MYO18B: variants seen among roughly 807,000 people sequenced by gnomAD.
MYO18B encodes myosin XVIIIB.
In MYO18B, 204 loss-of-function variants were observed where a neutral mutation model predicts 273.0. That is an observed-to-expected ratio of 0.75 (90% confidence interval 0.67 to 0.84). The LOEUF is 0.84. Among genes scored for constraint, MYO18B ranks in the 40% least tolerant of loss-of-function variants. The probability of loss-of-function intolerance (pLI) is 0.00; values close to 1 mark genes in which losing one functional copy is unlikely to be tolerated. For synonymous variants in MYO18B, 1,330 were observed against 1,305.7 expected, an observed-to-expected ratio of 1.02 and a Z score of -0.40; for missense variants, 3,212 against 3,287.6, an observed-to-expected ratio of 0.98 and a Z score of 0.56.
chr22:25,828,810 A>G lies in MYO18B; in HGVS notation c.2821A>G (p.Ile941Val), dbSNP rs969918617. 1.2e-6 allele frequency: 2 copies of G among 1,613,788 alleles called. No homozygotes were observed. The highest frequency in any genetic ancestry group is 1.7e-6 in the Non-Finnish European group (2 of 1,179,862). Residue 941 changes from isoleucine (I) to valine (V), a missense_variant, in exon 15 of 44, where the codon ATC becomes GTC. By Grantham distance (29) the Ile-to-Val change is conservative. Transcript: ENST00000335473. ...CTCCCACCATCTCTCCATGGCCTCC[A>G]TCATGGTGGTGGACTCTCCAGGCTT... is the stretch of plus-strand genomic sequence containing the variant. ...FSSHHLSMAS[I>V]MVVDSPGFQN...
At chr22:25,763,059 AC>A (rs753093485) in intron 2 of MYO18B, 171 bp from the exon 3 acceptor site, 6 of 788,140 alleles carry the variant, frequency 7.6e-6, no homozygotes, top group Admixed American at 1.7e-5. Context: ...TGTCTCAGGG[AC>A]CCCCCTGAGT....
intron 10 of MYO18B, among the ~76,000 whole-genome samples, chr22:25,782,820 G>C (rs147453284): frequency 1.3e-5 from 2 of 152,202 alleles, no homozygotes; most frequent in Non-Finnish European, 1.5e-5. Flanking sequence ...AGTTTTTAGA[G>C]TGATTGTAAC....
At chr22:25,876,065 G>C in intron 23 of MYO18B, 124 bp from the exon 24 acceptor site, 1 of 735,482 alleles carries the variant, frequency 1.4e-6, no homozygotes, top group Non-Finnish European at 2.2e-6. Context: ...AAGGTATCCA[G>C]TCCCTTCCAC....
At chr22:25,772,702 G>C (rs1017671990) in intron 7 of MYO18B, among the ~76,000 whole-genome samples, 192 bp downstream of exon 7, 6 of 152,230 alleles carry the variant, frequency 3.9e-5, no homozygotes, top group Non-Finnish European at 5.9e-5. Context: ...TGGAGGGAAA[G>C]ATCAGTCACC....
Position 25,914,388 on chromosome 22 carries a change from T to G in MYO18B, c.5364+3338T>G, listed in dbSNP as rs1171258291. Reference sequence around the variant, plus strand: ...TATTGCATATGCCCTCTCCATTTATTTGTGGCTTTCAGTAATGTTTTATTA... The same window carrying G: ...TATTGCATATGCCCTCTCCATTTATGTGTGGCTTTCAGTAATGTTTTATTA... On this transcript the variant is annotated intron_variant, in intron 33 of 43. Transcript: ENST00000335473. Among the ~76,000 whole-genome samples, 5 of 152,304 alleles carry G rather than the reference T, an allele frequency of 3.3e-5. No individual in the cohort carries two copies. The East Asian group carries it at 9.6e-4, about 29-fold the overall frequency.
chr22:25,859,974 G>A (rs527355820), intron 21 of MYO18B, among the ~76,000 whole-genome samples: 7 of 152,104 alleles, frequency 4.6e-5, no homozygotes, highest in Non-Finnish European at 7.4e-5. Context: ...TAGCTCCTCC[G>A]TGTAGACATT....
Position 25,885,820 on chromosome 22 carries a change from G to A in MYO18B, c.4315-4936G>A, listed in dbSNP as rs559104250. 2.0e-5 allele frequency among the ~76,000 whole-genome samples: 3 copies of A among 152,286 alleles called. No individual in the cohort carries two copies. In the East Asian group the frequency reaches 5.8e-4, roughly 29 times the overall value. On this transcript the variant is annotated intron_variant, in intron 25 of 43. Transcript: ENST00000335473. ...ATAAAGCCCCTGAAAGGCCATAACTGTCCCTTCATTCTAGAGGGACCCCCA... is the reference window on the plus strand; with the variant it reads ...ATAAAGCCCCTGAAAGGCCATAACTATCCCTTCATTCTAGAGGGACCCCCA...
intron 34 of MYO18B, among the ~76,000 whole-genome samples, chr22:25,930,444 T>C (rs1178477036): frequency 1.3e-5 from 2 of 150,946 alleles, no homozygotes; most frequent in African/African-American, 4.9e-5. Context: ...GAATTTAACC[T>C]CTCCCCGCCA....
the MYO18B span, among the ~76,000 whole-genome samples, chr22:26,061,151 CT>C: frequency 6.6e-6 from 1 of 152,208 alleles, no homozygotes; most frequent in African/African-American, 2.4e-5. Flanking sequence ...TAACACTGTC[CT>C]TTGACCCTCC....
chr22:25,755,803 C>T (rs544361528), intron 1 of MYO18B, among the ~76,000 whole-genome samples: 6 of 152,112 alleles, frequency 3.9e-5, no homozygotes, highest in Non-Finnish European at 8.8e-5. Context: ...CCTTCTCCTG[C>T]GGTTATTGGA....
intron 12 of MYO18B, among the ~76,000 whole-genome samples, chr22:25,823,123 A>G (rs2089345473): frequency 6.6e-6 from 1 of 152,072 alleles, no homozygotes; most frequent in South Asian, 2.1e-4. Context: ...GAGGAGTTGA[A>G]AGGATAGGTA....
At chr22:25,949,725 C>T (rs940117056) in intron 36 of MYO18B, among the ~76,000 whole-genome samples, 3 of 152,162 alleles carry the variant, frequency 2.0e-5, no homozygotes, top group African/African-American at 7.2e-5. Flanking sequence ...AGAGGTTAAT[C>T]TGTTCAGTTA....
At chr22:26,038,571 T>C in the MYO18B span, among the ~76,000 whole-genome samples, 1 of 152,122 alleles carries the variant, frequency 6.6e-6, no homozygotes, top group Non-Finnish European at 1.5e-5. Context: ...TCCTACCACA[T>C]GCATATTATG....
At chr22:26,009,642 C>G (rs1408489328) in intron 42 of MYO18B, among the ~76,000 whole-genome samples, 1 of 152,126 alleles carries the variant, frequency 6.6e-6, no homozygotes, top group African/African-American at 2.4e-5. Context: ...TTTTCCTGGA[C>G]TTTTCCCCAC....
intron 15 of MYO18B, among the ~76,000 whole-genome samples, chr22:25,829,266 A>C (rs1330121513): frequency 2.0e-5 from 3 of 152,086 alleles, no homozygotes; most frequent in Non-Finnish European, 4.4e-5. Context: ...ATTCTCTCCC[A>C]CTTCACTTAA....
chr22:26,035,546 C>T (rs1936762049), downstream of MYO18B, among the ~76,000 whole-genome samples: 1 of 152,186 alleles, frequency 6.6e-6, no homozygotes, highest in African/African-American at 2.4e-5. Context: ...TGCTCCTGAT[C>T]CATGGCCACT....
chr22:25,894,178 G>T (rs1386990413), intron 27 of MYO18B, among the ~76,000 whole-genome samples: 5 of 152,172 alleles, frequency 3.3e-5, no homozygotes, highest in Non-Finnish European at 7.3e-5. Context: ...CTTTATGAAA[G>T]CCCTGATCAT....
chr22:25,915,719 T>C (rs1601564328), intron 33 of MYO18B, among the ~76,000 whole-genome samples: 1 of 152,374 alleles, frequency 6.6e-6, no homozygotes, highest in Non-Finnish European at 1.5e-5. Context: ...ATATTTTAGA[T>C]ACTTAAGGTA....
rs58679561 is a variant in MYO18B, at chr22:25,792,497, C to CTTTTTTTTTTTT, written c.2377-5451_2377-5440dup. On this transcript the variant is annotated intron_variant, in intron 11 of 43. Coordinates refer to ENST00000335473, the MANE Select transcript of MYO18B (RefSeq NM_032608.7). ...GTGATGTTTCTTTTTTTTTTCTTTT[C>CTTTTTTTTTTTT]TTTTTTTTTTTTTTTTGAGACAGAG... Among the ~76,000 whole-genome samples the CTTTTTTTTTTTT allele has an allele frequency of 5.1e-4, 55 of 107,946 alleles. 2 individuals are homozygous for CTTTTTTTTTTTT. Among genetic ancestry groups the CTTTTTTTTTTTT allele is most frequent in the African/African-American group, 1.4e-3 (39 of 27,374 alleles). The allele number at this position is 107,946 out of a possible 152,430, so 70.8% of individuals were successfully genotyped here.
Sources: gnomAD v4.1 joint callset for allele counts (sites outside exome capture counted in the v4.1 genomes callset) on GRCh38, gnomAD v4.1.1 for gene constraint, MANE v1.5 for transcripts, NCBI Gene and HGNC (gene_info 2026-07-23, HGNC 2026-07-21) for gene names.